Variants in DAAM1 observed in about 807,000 individuals in gnomAD.
DAAM1 encodes dishevelled associated activator of morphogenesis 1.
DAAM1 carries 52 observed loss-of-function variants against 130.0 expected under a neutral mutation model. The ratio of observed to expected loss-of-function variants is 0.40; its 90% CI spans 0.32 to 0.50. The LOEUF (loss-of-function observed/expected upper bound fraction) is 0.50. DAAM1 is among the 20% of genes least tolerant of loss of function. The pLI, the probability that DAAM1 is intolerant of heterozygous loss-of-function variation, is 0.61. For missense variants in DAAM1, 1,134 were observed against 1,303.8 expected, an observed-to-expected ratio of 0.87 and a Z score of 2.01; for synonymous variants, 452 against 444.5, an observed-to-expected ratio of 1.02 and a Z score of -0.21.
intron 2 of DAAM1, among the ~76,000 whole-genome samples, chr14:59,267,989 G>A (rs1445478296): frequency 4.2e-5 from 6 of 142,258 alleles, no homozygotes; most frequent in South Asian, 2.4e-4. Flanking sequence ...TGCAACCTCC[G>A]CTTCCCGGGT....
chr14:59,303,064 G>T (rs1294573129), intron 3 of DAAM1, among the ~76,000 whole-genome samples: 2 of 152,180 alleles, frequency 1.3e-5, no homozygotes, highest in African/African-American at 4.8e-5. Flanking sequence ...TGAGCCCTCC[G>T]TGGTTGTCAC....
intron 1 of DAAM1, among the ~76,000 whole-genome samples, chr14:59,225,616 A>G (rs564980595): frequency 2.0e-5 from 3 of 152,228 alleles, no homozygotes; most frequent in Admixed American, 1.3e-4. Context: ...GCTAGGTACA[A>G]TGTGGGCTCT....
In DAAM1 at chr14:59,355,177, G is replaced by T. The variant is rs756012306; in HGVS notation, c.2369G>T (p.Gly790Val). 1.2e-6 allele frequency: 2 copies of T among 1,611,452 alleles called. No homozygotes were observed. Among genetic ancestry groups the T allele is most frequent in the Admixed American group, 1.7e-5 (1 of 59,198 alleles). Reference sequence around the variant, plus strand: ...TTTTGTTTTGAAGCAATTCGTTCTGGCTCAGAAGAGGTGTTTAGGAGTGGT... The same window carrying T: ...TTTTGTTTTGAAGCAATTCGTTCTGTCTCAGAAGAGGTGTTTAGGAGTGGT... Reference protein sequence around the residue: ...VKPKVEAIRSGSEEVFRSGAL... With the variant: ...VKPKVEAIRSVSEEVFRSGAL... Residue 790 changes from glycine (G) to valine (V), a missense_variant, in exon 20 of 25, where the codon GGC becomes GTC. Physicochemically the swap from Gly to Val is moderately radical, Grantham distance 109 (BLOSUM62 -3). Coordinates refer to ENST00000360909, the MANE Select transcript of DAAM1 (RefSeq NM_001270520.2).
At chr14:59,354,511 G>A (rs191996961) in intron 19 of DAAM1, among the ~76,000 whole-genome samples, 6 of 152,284 alleles carry the variant, frequency 3.9e-5, no homozygotes, top group African/African-American at 1.2e-4. Context: ...TTTTGACTAC[G>A]AGGGTGTTGG....
At chr14:59,196,382 C>T (rs981057509) in intron 1 of DAAM1, among the ~76,000 whole-genome samples, 42 of 152,154 alleles carry the variant, frequency 2.8e-4, no homozygotes, top group African/African-American at 8.2e-4. Flanking sequence ...AGTTAGAACC[C>T]GCAGTTCTGT....
At chr14:59,245,066 G>A (rs1050971563) in intron 1 of DAAM1, among the ~76,000 whole-genome samples, 5 of 152,150 alleles carry the variant, frequency 3.3e-5, no homozygotes, top group Admixed American at 2.0e-4. Flanking sequence ...GGGGGGCCAG[G>A]GGAAAGGTGA....
intron 1 of DAAM1, among the ~76,000 whole-genome samples, chr14:59,190,089 GTGGCTC>G (rs1473580982): frequency 6.6e-6 from 1 of 152,134 alleles, no homozygotes; most frequent in Middle Eastern, 3.2e-3. Context: ...TCGATTCGAT[GTGGCTC>G]TGCGGGCAGC....
intron 3 of DAAM1, among the ~76,000 whole-genome samples, chr14:59,297,023 A>G (rs1230830202): frequency 6.6e-6 from 1 of 152,216 alleles, no homozygotes; most frequent in Admixed American, 6.5e-5. Flanking sequence ...GATATGCTCC[A>G]GTGAAACTGT....
intron 1 of DAAM1, among the ~76,000 whole-genome samples, chr14:59,219,348 C>T (rs995445591): frequency 2.0e-5 from 3 of 152,112 alleles, no homozygotes; most frequent in Non-Finnish European, 4.4e-5. Flanking sequence ...GGAAAACTTA[C>T]TCTATGATGA....
chr14:59,195,134 T>C (rs1412769714), intron 1 of DAAM1, among the ~76,000 whole-genome samples: 2 of 145,884 alleles, frequency 1.4e-5, no homozygotes, highest in South Asian at 2.1e-4. Context: ...TCATTCATCT[T>C]GTTATACTTT....
At chr14:59,218,202 A>T (rs1888652866) in intron 1 of DAAM1, among the ~76,000 whole-genome samples, 1 of 152,214 alleles carries the variant, frequency 6.6e-6, no homozygotes, top group African/African-American at 2.4e-5. Flanking sequence ...CTCACTAGCC[A>T]CGTGCAGGCT....
intron 1 of DAAM1, among the ~76,000 whole-genome samples, chr14:59,212,677 C>T (rs1008085472): frequency 7.2e-5 from 11 of 152,188 alleles, no homozygotes; most frequent in Admixed American, 5.9e-4. Flanking sequence ...TTCTAATAGC[C>T]ACAGCTAGTA....
chr14:59,230,468 A>G (rs920994432), intron 1 of DAAM1, among the ~76,000 whole-genome samples: 2 of 152,182 alleles, frequency 1.3e-5, no homozygotes, highest in African/African-American at 4.8e-5. Flanking sequence ...ACCAGAGACT[A>G]CTAAGTTATG....
intron 17 of DAAM1, among the ~76,000 whole-genome samples, chr14:59,350,013 G>A (rs12880248): frequency 0.1 from 15,440 of 152,050 alleles, 1,183 homozygotes; most frequent in South Asian, 0.24. Flanking sequence ...GGGAGGCTGG[G>A]GTGATGCTTT....
intron 21 of DAAM1, among the ~76,000 whole-genome samples, chr14:59,359,773 G>A (rs1886634146): frequency 6.6e-6 from 1 of 152,218 alleles, no homozygotes; most frequent in South Asian, 2.1e-4. Flanking sequence ...GAGCACCTTA[G>A]TTAAATAAAG....
rs139943952 is a variant in DAAM1 at position 59,367,272 on chromosome 14, C to T, written c.2827-157C>T. On this transcript the variant is annotated intron_variant, in intron 23 of 24. Transcript: ENST00000360909. ...CACTGCACTCCAGCCTGGGTGATGGCGAAACTCCATCTCCAAAAGAAAGAA... is the reference window on the plus strand; with the variant it reads ...CACTGCACTCCAGCCTGGGTGATGGTGAAACTCCATCTCCAAAAGAAAGAA... Among the ~76,000 whole-genome samples, 4 of 152,002 alleles carry T rather than the reference C, an allele frequency of 2.6e-5. No homozygotes were observed. In the East Asian group the frequency reaches 5.8e-4, roughly 22 times the overall value.
At chr14:59,337,011 G>C (rs1212586309) in intron 15 of DAAM1, among the ~76,000 whole-genome samples, 2 of 152,158 alleles carry the variant, frequency 1.3e-5, no homozygotes, top group Non-Finnish European at 2.9e-5. Flanking sequence ...CTCTACACTA[G>C]AGGTCAGAAG....
chr14:59,248,469 T>A (rs2139476782), intron 1 of DAAM1, among the ~76,000 whole-genome samples: 1 of 152,344 alleles, frequency 6.6e-6, no homozygotes, highest in East Asian at 1.9e-4. Flanking sequence ...TTTGTTTAGC[T>A]ATGTGAATAA....
rs1376058581 is a variant in DAAM1, at chr14:59,347,356, G to C, written c.2076-183G>C. Among the ~76,000 whole-genome samples, 2 of 152,134 alleles carry C rather than the reference G, an allele frequency of 1.3e-5. 1 individual carries two copies. Among genetic ancestry groups the C allele is most frequent in the Non-Finnish European group, 2.9e-5 (2 of 68,028 alleles). ...TGTCAGCAGAGCATTACAAAGCCCT[G>C]AAAGAATGTTAAAGCAGTTTTAAAG... On this transcript the variant is annotated intron_variant, in intron 16 of 24. Transcript: ENST00000360909.
Sources: allele counts gnomAD v4.1 joint callset (sites outside exome capture counted in the v4.1 genomes callset), GRCh38; gene constraint gnomAD v4.1.1; transcripts MANE v1.5; gene names NCBI Gene and HGNC (gene_info 2026-07-23, HGNC 2026-07-21).